CEACAM20: variants seen among roughly 807,000 people sequenced by gnomAD.
CEACAM20 encodes CEA cell adhesion molecule 20.
CEACAM20 carries 50 observed loss-of-function variants against 61.2 expected under a neutral mutation model. The ratio of observed to expected loss-of-function variants is 0.82; its 90% CI spans 0.65 to 1.03. CEACAM20 has a LOEUF of 1.03. CEACAM20 is among the 50% of genes least tolerant of loss of function. The probability of loss-of-function intolerance (pLI) is 0.00; values close to 1 mark genes in which losing one functional copy is unlikely to be tolerated. For synonymous variants in CEACAM20, 282 were observed against 287.7 expected (o/e 0.98, Z 0.20); for missense variants, 683 against 736.4 (o/e 0.93, Z 0.84).
At chr19:44,519,208 C>T (rs1444362282) in intron 5 of CEACAM20, among the ~76,000 whole-genome samples, 1 of 152,162 alleles carries the variant, frequency 6.6e-6, no homozygotes, top group East Asian at 1.9e-4. Flanking sequence ...TTGGGCTCCC[C>T]ATACCCTCCC....
chr19:44,511,172 A>G lies in CEACAM20; in HGVS notation c.1612-17T>C. 6.2e-7 allele frequency: 1 copy of G among 1,612,956 alleles called. No homozygotes were observed. Among genetic ancestry groups the G allele is most frequent in the Admixed American group, 1.7e-5 (1 of 59,772 alleles). On this transcript the variant is annotated splice_polypyrimidine_tract_variant and intron_variant, in intron 10 of 11. Transcript: ENST00000614924. ...CAGCTTCGTCTGCAAGTAAGCAGAG[A>G]AATTAGGCAGGGCCCACAGACACAG...
chr19:44,511,889 G>A, intron 9 of CEACAM20, 128 bp downstream of exon 9: 1 of 947,776 alleles, frequency 1.1e-6, no homozygotes, highest in South Asian at 1.5e-5. Flanking sequence ...GTCAGAGGAG[G>A]AGATGCAGAG....
At chr19:44,515,281 A>G (rs1971123344) in intron 6 of CEACAM20, among the ~76,000 whole-genome samples, 1 of 152,064 alleles carries the variant, frequency 6.6e-6, no homozygotes, top group Non-Finnish European at 1.5e-5. Context: ...AGCAAGCTCT[A>G]AGCACCAAGA....
intron 5 of CEACAM20, among the ~76,000 whole-genome samples, chr19:44,519,135 T>C (rs1464030222): frequency 6.6e-6 from 1 of 152,184 alleles, no homozygotes; most frequent in Non-Finnish European, 1.5e-5. Flanking sequence ...ATCCTTCAGC[T>C]CTTATGGTGG....
chr19:44,516,812 G>A (rs1267295526), intron 6 of CEACAM20, 134 bp downstream of exon 6: 4 of 957,556 alleles, frequency 4.2e-6, no homozygotes, highest in South Asian at 1.6e-5. Context: ...TTCAACAGCT[G>A]TGGACTGAGA....
At chr19:44,518,447 A>C (rs1476464240) in intron 5 of CEACAM20, among the ~76,000 whole-genome samples, 1 of 152,114 alleles carries the variant, frequency 6.6e-6, no homozygotes, top group Non-Finnish European at 1.5e-5. Flanking sequence ...ATATAAATTA[A>C]AAGAGTTTAG....
In CEACAM20 at chr19:44,525,162, C is replaced by T. The variant is rs1454888980; in HGVS notation, c.135G>A (p.Glu45=). ...TCCCAAACACAGGCAGAACAACATCCTCACTTTGGGTGGCATCAAGTGGGT... is the reference window on the plus strand; with the variant it reads ...TCCCAAACACAGGCAGAACAACATCTTCACTTTGGGTGGCATCAAGTGGGT... ...NANPLDATQS[E]DVVLPVFGTP... The change falls in exon 2 of 12, where the codon GAG becomes GAA. Residue 45 remains glutamate (E), a synonymous_variant. Coordinates refer to ENST00000614924, the MANE Select transcript of CEACAM20 (RefSeq NM_001102597.3). 2 of 1,610,762 alleles carry T rather than the reference C, an allele frequency of 1.2e-6. No individual in the cohort carries two copies. The highest frequency in any genetic ancestry group is 2.2e-5 in the East Asian group (1 of 44,534).
intron 10 of CEACAM20, 88 bp downstream of exon 10, chr19:44,511,549 G>A: frequency 1.5e-6 from 2 of 1,301,896 alleles, no homozygotes; most frequent in South Asian, 2.5e-5. Context: ...GTTTAGACAA[G>A]ATGATCTCTC....
intron 8 of CEACAM20, 21 bp downstream of exon 8, chr19:44,512,847 A>C: frequency 6.2e-7 from 1 of 1,603,552 alleles, no homozygotes; most frequent in Non-Finnish European, 8.5e-7. Flanking sequence ...CCCAGGCATC[A>C]GCCACCATAG....
chr19:44,519,193 T>A (rs1309146668), intron 5 of CEACAM20, among the ~76,000 whole-genome samples: 1 of 152,052 alleles, frequency 6.6e-6, no homozygotes, highest in Non-Finnish European at 1.5e-5. Context: ...AGATGGAGGC[T>A]TCCTTTGGGC....
chr19:44,513,392 G>C, intron 6 of CEACAM20, 103 bp from the exon 7 acceptor site: 1 of 703,398 alleles, frequency 1.4e-6, no homozygotes, highest in South Asian at 2.0e-5. Flanking sequence ...CATTTTGTGA[G>C]CACTTGTTTT....
At chr19:44,524,311 C>A (rs369510886) in intron 2 of CEACAM20, 50 bp from the exon 3 acceptor site, 1 of 1,561,948 alleles carries the variant, frequency 6.4e-7, no homozygotes. Flanking sequence ...AGAGGAAGAA[C>A]AAACAAGACA....
chr19:44,527,800 C>T (rs1971573060), intron 1 of CEACAM20, among the ~76,000 whole-genome samples: 1 of 152,226 alleles, frequency 6.6e-6, no homozygotes, highest in South Asian at 2.1e-4. Context: ...GGGCTGAGCC[C>T]TCACCTCTGC....
In CEACAM20 at chr19:44,518,560, A is replaced by G. The variant is rs1465795894; in HGVS notation, c.1031-1336T>C. ...TCAAGACCAGCCTACGCAACATAGT[A>G]AGACCCTGTCTCTATTTAAAAAAAA... On this transcript the variant is annotated intron_variant, in intron 5 of 11. Transcript: ENST00000614924. Among the ~76,000 whole-genome samples, 6 of 152,160 alleles carry G rather than the reference A, an allele frequency of 3.9e-5. No homozygotes were observed. The East Asian group carries it at 1.2e-3, about 29-fold the overall frequency.
intron 4 of CEACAM20, among the ~76,000 whole-genome samples, 152 bp from the exon 5 acceptor site, chr19:44,520,904 G>A (rs1971344775): frequency 6.6e-6 from 1 of 152,104 alleles, no homozygotes; most frequent in African/African-American, 2.4e-5. Context: ...TAATGCTGGT[G>A]TGCGGGGTAC....
rs1970813234 is a variant in CEACAM20 at position 44,506,176 on chromosome 19, G to A, written c.1776C>T (p.Ile592=). The change falls in exon 12 of 12, where the codon ATC becomes ATT. Residue 592 remains isoleucine, a synonymous_variant. Coordinates refer to ENST00000614924, the MANE Select transcript of CEACAM20 (RefSeq NM_001102597.3). The part of the protein sequence containing the change: ...VNPEPNTYIQ[I]NPSV ...TCTGCTTCCATTAGACGGAGGGGTTGATTTGGATGTAAGTGTTGGGCTCTG... is the reference window on the plus strand; with the variant it reads ...TCTGCTTCCATTAGACGGAGGGGTTAATTTGGATGTAAGTGTTGGGCTCTG... 1.2e-6 allele frequency: 2 copies of A among 1,613,758 alleles called. No individual in the cohort carries two copies. The highest frequency in any genetic ancestry group is 8.5e-7 in the Non-Finnish European group (1 of 1,179,716).
rs149364426 is a variant in CEACAM20 at position 44,529,257 on chromosome 19, G to A, written c.52+201C>T. Among the ~76,000 whole-genome samples, 918 of 151,586 alleles carry A rather than the reference G, an allele frequency of 6.1e-3. 11 individuals carry two copies. Among genetic ancestry groups the A allele is most frequent in the African/African-American group, 0.021 (865 of 41,254 alleles). On this transcript the variant is annotated intron_variant, in intron 1 of 11. Coordinates refer to ENST00000614924, the MANE Select transcript of CEACAM20 (RefSeq NM_001102597.3). The stretch of plus-strand genomic sequence containing the variant: ...TGGGATTACAGATGTGAGCCACCAC[G>A]CCTGGCCCTATCTTTATATCTGTAT...
chr19:44,524,315 C>T, intron 2 of CEACAM20, 54 bp from the exon 3 acceptor site: 1 of 1,557,718 alleles, frequency 6.4e-7, no homozygotes, highest in Non-Finnish European at 8.7e-7. Flanking sequence ...GAAGAACAAA[C>T]AAGACATAGT....
chr19:44,512,043 G>T lies in CEACAM20; in HGVS notation c.1549C>A (p.Leu517Ile). Residue 517 changes from leucine (L) to isoleucine (I), a missense_variant, in exon 9 of 12, where the codon CTT (leucine) becomes ATT (isoleucine). Physicochemically the swap from Leu to Ile is conservative, Grantham distance 5 (BLOSUM62 2). Coordinates refer to ENST00000614924, the MANE Select transcript of CEACAM20 (RefSeq NM_001102597.3). The part of the protein sequence containing the change: ...LSPEYRNISQ[L>I]QGRIRVELMQ... Reference sequence around the variant, plus strand: ...AGTTCGACTCTGATCCGTCCCTGAAGCTGGGATATATTGCGATACTCAGGA... The same window carrying T: ...AGTTCGACTCTGATCCGTCCCTGAATCTGGGATATATTGCGATACTCAGGA... The T allele has an allele frequency of 6.2e-7, 1 of 1,610,244 alleles. No homozygotes were observed. The highest frequency in any genetic ancestry group is 8.5e-7 in the Non-Finnish European group (1 of 1,178,378).
Sources: allele counts gnomAD v4.1 joint callset (sites outside exome capture counted in the v4.1 genomes callset), GRCh38; gene constraint gnomAD v4.1.1; transcripts MANE v1.5; gene names NCBI Gene and HGNC (gene_info 2026-07-23, HGNC 2026-07-21).